Variants in NPAT observed in about 807,000 individuals in gnomAD.
NPAT encodes the protein protein NPAT.
NPAT carries 52 observed loss-of-function variants against 130.7 expected under a neutral mutation model. The ratio of observed to expected loss-of-function variants is 0.40; its 90% CI spans 0.32 to 0.50. The LOEUF (loss-of-function observed/expected upper bound fraction) is 0.50, where lower values mean the gene tolerates loss of function less well. Ranked by LOEUF, NPAT falls within the 20% of genes least tolerant of loss-of-function variation. NPAT has a pLI of 0.68. For synonymous variants in NPAT, 580 were observed against 584.8 expected, an observed-to-expected ratio of 0.99 and a Z score of 0.12; for missense variants, 1,687 against 1,662.6, an observed-to-expected ratio of 1.01 and a Z score of -0.26.
intron 15 of NPAT, among the ~76,000 whole-genome samples, chr11:108,163,116 A>G (rs965167496): frequency 5.3e-5 from 8 of 151,110 alleles, no homozygotes; most frequent in Non-Finnish European, 8.8e-5. Context: ...GTCTCGCTCT[A>G]TTGCCCAGGC....
Position 108,210,251 on chromosome 11 carries a change from G to A in NPAT, c.37+12249C>T, listed in dbSNP as rs546979222. Among the ~76,000 whole-genome samples the A allele has an allele frequency of 5.3e-5, 8 of 152,234 alleles. 1 individual carries two copies. The South Asian group carries it at 1.7e-3, about 32-fold the overall frequency. On this transcript the variant is annotated intron_variant, in intron 1 of 17. Coordinates refer to ENST00000278612, the MANE Select transcript of NPAT (RefSeq NM_002519.3). ...TAATTCTTAGAAAGACCCTCATGTA[G>A]TTTAGATGTTGCTCCTGCTAAATCT...
chr11:108,170,164 C>A, intron 13 of NPAT, 121 bp from the exon 14 acceptor site: 7 of 632,308 alleles, frequency 1.1e-5, no homozygotes, highest in Non-Finnish European at 1.7e-5. Context: ...ATCCCTCTTC[C>A]TTACGATCCA....
At chr11:108,170,169 G>A (rs992640589) in intron 13 of NPAT, 126 bp from the exon 14 acceptor site, 1 of 581,934 alleles carries the variant, frequency 1.7e-6, no homozygotes, top group Non-Finnish European at 3.1e-6. Flanking sequence ...TCTTCCTTAC[G>A]ATCCACTCTC....
intron 1 of NPAT, among the ~76,000 whole-genome samples, chr11:108,208,165 C>T (rs2078347206): frequency 6.6e-6 from 1 of 152,050 alleles, no homozygotes; most frequent in South Asian, 2.1e-4. Flanking sequence ...TGAACATTTC[C>T]TTTGAGGGTC....
rs2077818123 is a variant in NPAT at position 108,158,722 on chromosome 11, C to T, written c.*220G>A. 2.1e-6 allele frequency: 1 copy of T among 475,278 alleles called. No homozygotes were observed. The highest frequency in any genetic ancestry group is 2.2e-5 in the South Asian group (1 of 44,778). 29.4% of individuals were successfully genotyped at this position (475,278 alleles called of 1,614,324 possible). On this transcript the variant is annotated 3_prime_UTR_variant, in exon 18 of 18. Coordinates refer to ENST00000278612, the MANE Select transcript of NPAT (RefSeq NM_002519.3). Reference sequence around the variant, plus strand: ...CAGTTTTGCAGATTGGCTTTACTTACATTTCTGCAAACGTTTTTCCCAAAA... The same window carrying T: ...CAGTTTTGCAGATTGGCTTTACTTATATTTCTGCAAACGTTTTTCCCAAAA...
rs1011323760 is a variant in NPAT at position 108,169,705 on chromosome 11, C to T, written c.3010+39G>A. On this transcript the variant is annotated intron_variant, in intron 15 of 17. Coordinates refer to ENST00000278612, the MANE Select transcript of NPAT (RefSeq NM_002519.3). ...GTGTTGCTGCAAACAAATGAACATA[C>T]AAACATAAAGTTAACATTAATGAAA... 16 of 1,386,104 alleles carry T rather than the reference C, an allele frequency of 1.2e-5. No individual in the cohort carries two copies. In the East Asian group the frequency reaches 1.4e-4, roughly 12 times the overall value. 85.9% of individuals were successfully genotyped at this position (1,386,104 alleles called of 1,614,324 possible).
rs1377081647 is a variant in NPAT, at chr11:108,161,618, C to T, written c.3468G>A (p.Val1156=). Residue 1156 remains valine (V), a synonymous_variant, in exon 17 of 18, where the codon GTG becomes GTA. Transcript: ENST00000278612. ...CTGTTGCTTTATGGAAAGATTCAAG[C>T]ACAATTTCTGTTGGTGAAACTTTCT... ...SEKKVSPTEI[V]LESFHKATAN... The T allele has an allele frequency of 3.1e-6, 5 of 1,614,104 alleles. No individual in the cohort carries two copies. Among genetic ancestry groups the T allele is most frequent in the East Asian group, 2.2e-5 (1 of 44,892 alleles).
chr11:108,212,053 C>A, intron 1 of NPAT, among the ~76,000 whole-genome samples: 1 of 151,516 alleles, frequency 6.6e-6, no homozygotes, highest in Admixed American at 6.6e-5. Flanking sequence ...GAAATTTCCT[C>A]AACCTCATAG....
Position 108,162,196 on chromosome 11 carries a change from A to T in NPAT, c.3011-16T>A. 6.2e-7 allele frequency: 1 copy of T among 1,606,920 alleles called. No individual in the cohort carries two copies. The highest frequency in any genetic ancestry group is 8.5e-7 in the Non-Finnish European group (1 of 1,173,588). ...ACTTGTTTTCCTGAAATTATAAATG[A>T]ACATTCCTGAGAAAAAGAATATACT... On this transcript the variant is annotated splice_polypyrimidine_tract_variant and intron_variant, in intron 15 of 17. Transcript: ENST00000278612.
At chr11:108,181,946 A>G (rs1233123487) in intron 10 of NPAT, among the ~76,000 whole-genome samples, 1 of 152,174 alleles carries the variant, frequency 6.6e-6, no homozygotes, top group African/African-American at 2.4e-5. Flanking sequence ...ATGGTCAGTC[A>G]AGTAGTGTGA....
chr11:108,204,453 T>C (rs2078306421), intron 1 of NPAT, among the ~76,000 whole-genome samples: 1 of 152,228 alleles, frequency 6.6e-6, no homozygotes, highest in Non-Finnish European at 1.5e-5. Context: ...TGTTGAGAGC[T>C]GTTCTGTTGC....
At chr11:108,182,567 G>C (rs1591397088) in intron 10 of NPAT, among the ~76,000 whole-genome samples, 1 of 152,204 alleles carries the variant, frequency 6.6e-6, no homozygotes, top group Admixed American at 6.5e-5. Flanking sequence ...GCGCGATCTC[G>C]CCTCACTGCA....
chr11:108,184,482 A>AG (rs1454162827), intron 10 of NPAT, among the ~76,000 whole-genome samples: 1 of 151,528 alleles, frequency 6.6e-6, no homozygotes, highest in African/African-American at 2.4e-5. Context: ...AAAAAAAAAA[A>AG]AAGTCTTGTT....
chr11:108,168,976 GTTT>G (rs995519577), intron 15 of NPAT, among the ~76,000 whole-genome samples: 1 of 152,088 alleles, frequency 6.6e-6, no homozygotes, highest in African/African-American at 2.4e-5. Context: ...GTTGCTGAAA[GTTT>G]TTAGGCAGGA....
chr11:108,198,980 G>A (rs1484847000), intron 1 of NPAT, among the ~76,000 whole-genome samples: 1 of 152,240 alleles, frequency 6.6e-6, no homozygotes, highest in Non-Finnish European at 1.5e-5. Context: ...CGCTGGCACT[G>A]GGCAGCTACC....
rs755919186 is a variant in NPAT at position 108,185,171 on chromosome 11, T to C, written c.906+61A>G. On this transcript the variant is annotated intron_variant, in intron 10 of 17. Transcript: ENST00000278612. Reference sequence around the variant, plus strand: ...AATGGTTTTGAAATGAAACCAAAATTACCATCAATCTTAAGTATAAGTAAC... The same window carrying C: ...AATGGTTTTGAAATGAAACCAAAATCACCATCAATCTTAAGTATAAGTAAC... 3.5e-5 allele frequency: 40 copies of C among 1,133,334 alleles called. 1 individual carries two copies. Among genetic ancestry groups the C allele is most frequent in the Non-Finnish European group, 4.9e-5 (37 of 755,758 alleles). 70.2% of individuals were successfully genotyped at this position (1,133,334 alleles called of 1,614,324 possible).
chr11:108,172,817 T>C lies in NPAT; in HGVS notation c.2167A>G (p.Lys723Glu). The part of the protein sequence containing the change: ...SHPESQNTDD[K>E]PSSNNSAEID... Reference sequence around the variant, plus strand: ...TCTGCTGAGTTGTTGCTAGAAGGTTTATCATCAGTATTTTGGGACTCAGGG... The same window carrying C: ...TCTGCTGAGTTGTTGCTAGAAGGTTCATCATCAGTATTTTGGGACTCAGGG... Residue 723 changes from lysine to glutamate, a missense_variant, in exon 13 of 18, where the codon AAA becomes GAA. By Grantham distance (56) the Lys-to-Glu change is moderately conservative (BLOSUM62 1). This residue lies in a region of NPAT where 1,379 missense variants were observed against 1,346.6 expected (regional missense o/e 1.02). Coordinates refer to ENST00000278612, the MANE Select transcript of NPAT (RefSeq NM_002519.3). 6.2e-7 allele frequency: 1 copy of C among 1,613,788 alleles called. No homozygotes were observed. Among genetic ancestry groups the C allele is most frequent in the Non-Finnish European group, 8.5e-7 (1 of 1,179,958 alleles).
intron 3 of NPAT, among the ~76,000 whole-genome samples, chr11:108,192,427 A>C (rs1425156073): frequency 1.3e-5 from 2 of 152,240 alleles, no homozygotes; most frequent in Non-Finnish European, 2.9e-5. Context: ...AAATCTCTGA[A>C]GCATTTTTTG....
At chr11:108,197,181 G>A in intron 2 of NPAT, 121 bp downstream of exon 2, 6 of 759,190 alleles carry the variant, frequency 7.9e-6, no homozygotes, top group Non-Finnish European at 1.4e-5. Flanking sequence ...AGTCATGCAT[G>A]AATATAAACC....
Sources: allele counts gnomAD v4.1 joint callset (sites outside exome capture counted in the v4.1 genomes callset), GRCh38; gene constraint gnomAD v4.1.1; regional missense constraint gnomAD v4.1.1; transcripts MANE v1.5; gene names NCBI Gene and HGNC (gene_info 2026-07-23, HGNC 2026-07-21).